ZGRF1: variants seen among roughly 807,000 people sequenced by gnomAD.
The protein encoded by ZGRF1 is 5'-3' DNA helicase ZGRF1.
In ZGRF1, 196 loss-of-function variants were observed where a neutral mutation model predicts 203.5. The ratio of observed to expected loss-of-function variants is 0.96; its 90% CI spans 0.86 to 1.08. ZGRF1 has a LOEUF of 1.08. Among genes scored for constraint, ZGRF1 ranks in the 50% least tolerant of loss-of-function variants. The pLI is 0.00. For missense variants in ZGRF1, 2,326 were observed against 2,416.3 expected (o/e 0.96, Z 0.78); for synonymous variants, 809 against 841.3 (o/e 0.96, Z 0.66).
At chr4:112,610,999 T>TA in intron 7 of ZGRF1, 2 of 251,222 alleles carry the variant, frequency 8.0e-6, no homozygotes, top group South Asian at 3.8e-5. Context: ...GGGTAGGTTT[T>TA]ATTTTTTTCT....
chr4:112,626,121 G>A (rs1343459612), intron 3 of ZGRF1, among the ~76,000 whole-genome samples: 1 of 152,098 alleles, frequency 6.6e-6, no homozygotes, highest in East Asian at 1.9e-4. Flanking sequence ...AGTAGTAATT[G>A]CCAATGAGTA....
Position 112,618,567 on chromosome 4 carries a change from T to A in ZGRF1, c.1475A>T (p.Asn492Ile). Residue 492 changes from asparagine to isoleucine, a missense_variant, in exon 6 of 28, where the codon AAT becomes ATT. Physicochemically the swap from Asn to Ile is moderately radical, Grantham distance 149. Coordinates refer to ENST00000505019, the MANE Select transcript of ZGRF1 (RefSeq NM_018392.5). ...LKHLQIESSNNSRISDDITDM... is the reference protein window; with the variant it reads ...LKHLQIESSNISRISDDITDM... Reference sequence around the variant, plus strand: ...TGTAATGTCATCAGAGATCCTAGAATTATTACTAGATTCAATTTGGAGATG... The same window carrying A: ...TGTAATGTCATCAGAGATCCTAGAAATATTACTAGATTCAATTTGGAGATG... The A allele has an allele frequency of 6.2e-7, 1 of 1,613,734 alleles. No homozygotes were observed. The highest frequency in any genetic ancestry group is 8.5e-7 in the Non-Finnish European group (1 of 1,179,840).
intron 24 of ZGRF1, chr4:112,546,636 T>G (rs1738825721): frequency 6.6e-6 from 1 of 152,186 alleles, no homozygotes; most frequent in Admixed American, 6.5e-5. Context: ...GGGTTCCTCA[T>G]AAAAGGATGG....
Position 112,539,415 on chromosome 4 carries a change from T to C in ZGRF1, c.*132A>G, listed in dbSNP as rs1023529606. On this transcript the variant is annotated 3_prime_UTR_variant, in exon 28 of 28. Coordinates refer to ENST00000505019, the MANE Select transcript of ZGRF1 (RefSeq NM_018392.5). ...ACACTTTTTTGAAGAACAAAATTTT[T>C]ACATGTGTTTACTATGTTATTTAAA... 1.5e-5 allele frequency: 8 copies of C among 518,712 alleles called. No homozygotes were observed. The highest frequency in any genetic ancestry group is 2.2e-5 in the Non-Finnish European group (7 of 319,696). 32.1% of individuals were successfully genotyped at this position (518,712 alleles called of 1,614,324 possible). A position where few individuals can be genotyped will look rare whatever the true frequency, so the allele number is the denominator to read the frequency against.
intron 3 of ZGRF1, among the ~76,000 whole-genome samples, chr4:112,626,133 G>C (rs548162664): frequency 9.9e-5 from 15 of 152,254 alleles, no homozygotes; most frequent in Admixed American, 3.3e-4. Flanking sequence ...CAATGAGTAT[G>C]AGATTTCTTT....
rs146350578 is a variant in ZGRF1 at position 112,624,879 on chromosome 4, T to A, written c.103-1003A>T. ...CCCAACAGAAATAAAAACATATATC[T>A]ATACAAAAACTTGCACATTAATGCT... On this transcript the variant is annotated intron_variant, in intron 3 of 27. Coordinates refer to ENST00000505019, the MANE Select transcript of ZGRF1 (RefSeq NM_018392.5). Among the ~76,000 whole-genome samples, 188 of 152,240 alleles carry A rather than the reference T, an allele frequency of 1.2e-3. 1 individual carries two copies. The highest frequency in any genetic ancestry group is 4.1e-3 in the African/African-American group (172 of 41,548).
intron 16 of ZGRF1, among the ~76,000 whole-genome samples, chr4:112,573,657 G>A (rs1344882593): frequency 6.6e-6 from 1 of 151,840 alleles, no homozygotes; most frequent in African/African-American, 2.4e-5. Context: ...AGATTTTTAA[G>A]GTAAGATGCA....
chr4:112,630,196 T>A (rs1211480422), intron 3 of ZGRF1, among the ~76,000 whole-genome samples: 3 of 152,142 alleles, frequency 2.0e-5, no homozygotes, highest in Admixed American at 2.0e-4. Context: ...TTTTAACAAA[T>A]TAAATATTAA....
At chr4:112,540,727 C>A in intron 26 of ZGRF1, 94 bp downstream of exon 26, 1 of 1,001,132 alleles carries the variant, frequency 1.0e-6, no homozygotes, top group Non-Finnish European at 1.4e-6. Flanking sequence ...GTTTTTCAGG[C>A]ACCAAACCAA....
chr4:112,619,625 T>A lies in ZGRF1; in HGVS notation c.417A>T (p.Ala139=). 1 of 1,613,796 alleles carries A rather than the reference T, an allele frequency of 6.2e-7. No individual in the cohort carries two copies. The highest frequency in any genetic ancestry group is 8.5e-7 in the Non-Finnish European group (1 of 1,179,908). The change falls in exon 6 of 28, where the codon GCA becomes GCT. Residue 139 remains alanine, a synonymous_variant. Coordinates refer to ENST00000505019, the MANE Select transcript of ZGRF1 (RefSeq NM_018392.5). The stretch of plus-strand genomic sequence containing the variant: ...GGCCAGTTTTCTTAGCCTCATGTGA[T>A]GCAGCTGATTCACCACTTTCCATAA... ...MVIMESGESA[A]SHEAKKTGPT...
intron 16 of ZGRF1, among the ~76,000 whole-genome samples, chr4:112,567,832 G>T (rs1308288128): frequency 1.3e-5 from 2 of 152,022 alleles, no homozygotes; most frequent in Non-Finnish European, 2.9e-5. Flanking sequence ...ACGCTGAGGT[G>T]GGAGGATCAC....
chr4:112,568,292 C>T (rs769068152), intron 16 of ZGRF1, among the ~76,000 whole-genome samples: 2 of 151,950 alleles, frequency 1.3e-5, no homozygotes, highest in Non-Finnish European at 2.9e-5. Context: ...CCATAATGTG[C>T]CCAAGAGGAG....
In ZGRF1 at chr4:112,587,892, A is replaced by C. The variant is rs772504252; in HGVS notation, c.3165T>G (p.Leu1055=). 1 of 1,545,114 alleles carries C rather than the reference A, an allele frequency of 6.5e-7. No individual in the cohort carries two copies. Among genetic ancestry groups the C allele is most frequent in the South Asian group, 1.2e-5 (1 of 82,162 alleles). The change falls in exon 12 of 28, where the codon CTT becomes CTG. Residue 1055 remains leucine, a synonymous_variant. Transcript: ENST00000505019. ...TTCTACTTAATAATGAAAGCCTTTG[A>C]AGGTTCTCATTCTCCAGAGAACGGG... ...KKSRSLENEN[L]QRLSLLSRTQ... is the part of the protein sequence containing the mutation.
chr4:112,550,183 CTCCAT>C (rs957420207), intron 22 of ZGRF1, among the ~76,000 whole-genome samples: 3 of 150,644 alleles, frequency 2.0e-5, no homozygotes, highest in Non-Finnish European at 4.4e-5. Context: ...CAGAGCGAGA[CTCCAT>C]CTCAAAAAAA....
chr4:112,622,806 G>A (rs1259326226), intron 4 of ZGRF1, among the ~76,000 whole-genome samples: 1 of 152,026 alleles, frequency 6.6e-6, no homozygotes, highest in Non-Finnish European at 1.5e-5. Flanking sequence ...CTATGTATTT[G>A]ACAGAATATT....
intron 10 of ZGRF1, among the ~76,000 whole-genome samples, chr4:112,600,705 G>A (rs1006942570): frequency 8.5e-5 from 13 of 152,114 alleles, no homozygotes; most frequent in Non-Finnish European, 1.2e-4. Flanking sequence ...TGGAATGTGT[G>A]TAGACTTGCT....
chr4:112,557,861 C>G (rs934556580), intron 20 of ZGRF1, among the ~76,000 whole-genome samples: 2 of 152,214 alleles, frequency 1.3e-5, no homozygotes, highest in Non-Finnish European at 1.5e-5. Flanking sequence ...CGCTGGCAGA[C>G]TGCCTCCCCC....
In ZGRF1 at chr4:112,619,352, A is replaced by G; in HGVS notation, c.690T>C (p.Asn230=). 10 of 1,612,746 alleles carry G rather than the reference A, an allele frequency of 6.2e-6. No homozygotes were observed. Among genetic ancestry groups the G allele is most frequent in the Non-Finnish European group, 8.5e-6 (10 of 1,179,380 alleles). ...GNKLSDSLLT[N]EPVKRDSLAS... is the part of the protein sequence containing the mutation. ...CCAAACTATCTCTTTTCACAGGCTC[A>G]TTGGTCAGTAAAGAGTCTGAAAGCT... The change falls in exon 6 of 28, where the codon AAT becomes AAC. Residue 230 remains asparagine (N), a synonymous_variant. Transcript: ENST00000505019.
Position 112,587,858 on chromosome 4 carries a change from G to A in ZGRF1, c.3199C>T (p.Pro1067Ser), listed in dbSNP as rs1336261051. The change falls in exon 12 of 28, where the codon CCA (proline) becomes TCA (serine). Residue 1067 changes from proline (P) to serine (S), a missense_variant. Physicochemically the swap from Pro to Ser is moderately conservative, Grantham distance 74. Transcript: ENST00000505019. Reference sequence around the variant, plus strand: ...TCAGTACGTGGCAAAGTAATAAGTGGAACCTGGGTTCTACTTAATAATGAA... The same window carrying A: ...TCAGTACGTGGCAAAGTAATAAGTGAAACCTGGGTTCTACTTAATAATGAA... ...RLSLLSRTQVPLITLPRTDGP... is the reference protein window; with the variant it reads ...RLSLLSRTQVSLITLPRTDGP... 2.6e-6 allele frequency: 4 copies of A among 1,551,144 alleles called. No individual in the cohort carries two copies. Among genetic ancestry groups the A allele is most frequent in the Non-Finnish European group, 3.5e-6 (4 of 1,146,742 alleles).
Sources: allele counts gnomAD v4.1 joint callset (sites outside exome capture counted in the v4.1 genomes callset), GRCh38; gene constraint gnomAD v4.1.1; transcripts MANE v1.5; gene names NCBI Gene and HGNC (gene_info 2026-07-23, HGNC 2026-07-21).